Variants in GNG2 observed in about 807,000 individuals in gnomAD.
GNG2 encodes G protein subunit gamma 2.
A neutral mutation model predicts 5.5 loss-of-function variants in GNG2; 5 were observed. The observed-to-expected ratio is 0.91, with a 90% CI of 0.48 to 1.92. GNG2 has a LOEUF of 1.92. Ranked by LOEUF, GNG2 falls within the 30% of genes most tolerant of loss-of-function variation. GNG2 has a pLI of 0.01. For missense variants in GNG2, 55 were observed against 88.4 expected (o/e 0.62, Z 1.52); for synonymous variants, 28 against 32.0 (o/e 0.88, Z 0.42).
chr14:51,887,060 C>G (rs1048669381), intron 2 of GNG2, among the ~76,000 whole-genome samples: 2 of 152,108 alleles, frequency 1.3e-5, no homozygotes, highest in African/African-American at 4.8e-5. Context: ...AGGTTATAGC[C>G]CATGTTCAAA....
At chr14:51,928,794 C>T (rs1006359486) in intron 2 of GNG2, among the ~76,000 whole-genome samples, 2 of 152,144 alleles carry the variant, frequency 1.3e-5, no homozygotes, top group Non-Finnish European at 2.9e-5. Flanking sequence ...TTACCTTGGG[C>T]CTTCCTTGGA....
intron 2 of GNG2, among the ~76,000 whole-genome samples, chr14:51,933,221 C>A (rs575504825): frequency 1.4e-4 from 22 of 152,290 alleles, no homozygotes; most frequent in African/African-American, 4.6e-4. Context: ...TTACAGCAGC[C>A]ACAGCAAACC....
intron 2 of GNG2, among the ~76,000 whole-genome samples, chr14:51,838,298 G>T (rs757459227): frequency 6.6e-6 from 1 of 152,124 alleles, no homozygotes; most frequent in Admixed American, 6.6e-5. Flanking sequence ...CCAAAAATTA[G>T]CCAGGCGTGG....
At chr14:51,877,495 C>A in intron 1 of GNG2, 122 bp from the exon 2 acceptor site, 1 of 400,258 alleles carries the variant, frequency 2.5e-6, no homozygotes, top group South Asian at 1.9e-5. Flanking sequence ...GCCCTTATAA[C>A]TATATTGCCA....
At chr14:51,829,431 C>G (rs1215236520) in intron 2 of GNG2, among the ~76,000 whole-genome samples, 1 of 152,200 alleles carries the variant, frequency 6.6e-6, no homozygotes, top group Non-Finnish European at 1.5e-5. Context: ...CAGAGCTCAT[C>G]ATCATTATGT....
intron 1 of GNG2, among the ~76,000 whole-genome samples, chr14:51,875,964 C>T (rs1034651163): frequency 6.5e-5 from 3 of 46,422 alleles, no homozygotes; most frequent in Admixed American, 5.6e-4. Flanking sequence ...CCGAGACAGA[C>T]TCTCACTCTG....
chr14:51,861,073 C>G (rs571103076), intron 1 of GNG2, among the ~76,000 whole-genome samples: 2 of 152,190 alleles, frequency 1.3e-5, no homozygotes, highest in South Asian at 4.2e-4. Flanking sequence ...AGGGCTGAGT[C>G]GAAATCCATC....
chr14:51,852,888 A>G (rs1429675603), intron 2 of GNG2, among the ~76,000 whole-genome samples: 1 of 152,260 alleles, frequency 6.6e-6, no homozygotes, highest in Non-Finnish European at 1.5e-5. Flanking sequence ...AGCTTTCTAC[A>G]TATAGTGGGA....
At chr14:51,858,624 A>G (rs144606328), upstream of GNG2, among the ~76,000 whole-genome samples, 667 of 152,282 alleles carry the variant, frequency 4.4e-3, 13 homozygotes, top group East Asian at 0.039. Context: ...TCTAAAATTA[A>G]CCATAGTCTT....
rs143494406 is a variant in GNG2 at position 51,921,407 on chromosome 14, C to T, written c.-29-29243C>T. ...TGGACTCCAGAAGAGGCAGAATACTCGAGACCCTGGAGTGAACATATAAAC... is the reference window on the plus strand; with the variant it reads ...TGGACTCCAGAAGAGGCAGAATACTTGAGACCCTGGAGTGAACATATAAAC... On this transcript the variant is annotated intron_variant, in intron 2 of 3. Coordinates refer to ENST00000556766, the MANE Select transcript of GNG2 (RefSeq NM_053064.5). Among the ~76,000 whole-genome samples, 713 of 152,278 alleles carry T rather than the reference C, an allele frequency of 4.7e-3. 2 individuals carry two copies. The highest frequency in any genetic ancestry group is 7.7e-3 in the Non-Finnish European group (523 of 68,026).
At chr14:51,853,576 C>T (rs1882012159) in intron 2 of GNG2, among the ~76,000 whole-genome samples, 2 of 152,284 alleles carry the variant, frequency 1.3e-5, no homozygotes, top group African/African-American at 4.8e-5. Flanking sequence ...TTTTGCCAAC[C>T]TATTTACTGA....
At chr14:51,828,670 G>C (rs1881098894) in intron 2 of GNG2, among the ~76,000 whole-genome samples, 2 of 152,140 alleles carry the variant, frequency 1.3e-5, no homozygotes, top group South Asian at 4.1e-4. Context: ...ATGTAGCTTA[G>C]TTTACAGACC....
chr14:51,908,017 A>G (rs1037019453), intron 2 of GNG2, among the ~76,000 whole-genome samples: 5 of 152,242 alleles, frequency 3.3e-5, no homozygotes, highest in South Asian at 4.1e-4. Flanking sequence ...TCTTAAAACA[A>G]CAAACATCTA....
At chr14:51,941,155 T>A (rs1330270725) in intron 2 of GNG2, among the ~76,000 whole-genome samples, 3 of 151,916 alleles carry the variant, frequency 2.0e-5, no homozygotes, top group Non-Finnish European at 4.4e-5. Context: ...TAAATTAGAG[T>A]AAGGATCAAA....
chr14:51,918,715 C>G (rs536748604), intron 2 of GNG2: 76 of 152,202 alleles, frequency 5.0e-4, no homozygotes, highest in Non-Finnish European at 1.0e-3. Context: ...TACGAACTTG[C>G]ATCTGTTTTC....
chr14:51,968,329 T>A lies in GNG2; in HGVS notation c.*1642T>A, dbSNP rs1041314194. On this transcript the variant is annotated 3_prime_UTR_variant, in exon 4 of 4. Transcript: ENST00000556766. ...CTCCATCTCCCAATTAATTTTATTG[T>A]CTCTTTCCTCTCTATTCGCTTTCTC... is the stretch of plus-strand genomic sequence containing the variant. The A allele has an allele frequency of 6.6e-6, 1 of 151,718 alleles. No individual in the cohort carries two copies. Among genetic ancestry groups the A allele is most frequent in the Non-Finnish European group, 1.5e-5 (1 of 67,974 alleles). The allele number at this position is 151,718 out of a possible 1,614,324, so 9.4% of individuals were successfully genotyped here.
intron 2 of GNG2, among the ~76,000 whole-genome samples, chr14:51,853,248 C>G (rs765533025): frequency 6.6e-6 from 1 of 152,122 alleles, no homozygotes; most frequent in African/African-American, 2.4e-5. Flanking sequence ...AAGTGCTGTG[C>G]GAGGTGGGTG....
At chr14:51,851,798 T>G (rs1173012631) in intron 2 of GNG2, among the ~76,000 whole-genome samples, 1 of 152,214 alleles carries the variant, frequency 6.6e-6, no homozygotes, top group East Asian at 1.9e-4. Flanking sequence ...CTGTGGGGCA[T>G]GAACAACTTT....
At chr14:51,847,487 C>T (rs541245530) in intron 2 of GNG2, 9 of 152,018 alleles carry the variant, frequency 5.9e-5, no homozygotes, top group Non-Finnish European at 1.2e-4. Flanking sequence ...GGGTGCTGTC[C>T]CAAGAAAAGC....
Sources: gnomAD v4.1 joint callset for allele counts (sites outside exome capture counted in the v4.1 genomes callset) on GRCh38, gnomAD v4.1.1 for gene constraint, MANE v1.5 for transcripts, NCBI Gene and HGNC (gene_info 2026-07-23, HGNC 2026-07-21) for gene names.